Variants in EPHX3 observed in about 807,000 individuals in gnomAD.
The protein encoded by EPHX3 is epoxide hydrolase 3, also known as abhydrolase domain containing 9.
A neutral mutation model predicts 40.2 loss-of-function variants in EPHX3; 39 were observed. The ratio of observed to expected loss-of-function variants is 0.97; its 90% confidence interval spans 0.75 to 1.27. The LOEUF is 1.27. Ranked by LOEUF, EPHX3 falls within the 50% of genes most tolerant of loss-of-function variation. The pLI, the probability that EPHX3 is intolerant of heterozygous loss-of-function variation, is 0.00. For synonymous variants in EPHX3, 213 were observed against 209.7 expected, an observed-to-expected ratio of 1.02 and a Z score of -0.14; for missense variants, 442 against 474.0, an observed-to-expected ratio of 0.93 and a Z score of 0.63.
chr19:15,230,157 T>C (rs2047143722), intron 4 of EPHX3, among the ~76,000 whole-genome samples: 1 of 151,894 alleles, frequency 6.6e-6, no homozygotes, highest in African/African-American at 2.4e-5. Flanking sequence ...CCTAAGTGTA[T>C]TGTGATTTAT....
rs756599471 is a variant in EPHX3, at chr19:15,231,857, G to A, written c.248C>T (p.Ser83Leu). Residue 83 changes from serine to leucine, a missense_variant, in exon 2 of 7, where the codon TCG becomes TTG. Physicochemically the swap from Ser to Leu is moderately radical, Grantham distance 145. Coordinates refer to ENST00000221730, the MANE Select transcript of EPHX3 (RefSeq NM_024794.3). Reference protein sequence around the residue: ...GEHGFLNLKSSGLRLHYVSAG... With the variant: ...GEHGFLNLKSLGLRLHYVSAG... Reference sequence around the variant, plus strand: ...CGAGACATAGTGCAGACGCAGGCCCGAGCTCTAGGGGGAGGGCACAGCCTG... The same window carrying A: ...CGAGACATAGTGCAGACGCAGGCCCAAGCTCTAGGGGGAGGGCACAGCCTG... 3.7e-6 allele frequency: 6 copies of A among 1,613,792 alleles called. No homozygotes were observed. The highest frequency in any genetic ancestry group is 2.2e-5 in the East Asian group (1 of 44,888).
In EPHX3 at chr19:15,232,179, C is replaced by G; in HGVS notation, c.33G>C (p.Ala11=). The change falls in exon 1 of 7, where the codon GCG becomes GCC. Residue 11 remains alanine (A), a synonymous_variant. Coordinates refer to ENST00000221730, the MANE Select transcript of EPHX3 (RefSeq NM_024794.3). MPELVVTALL[A]PSRLSLKLLR... ...GCAGCTTCAGCGACAGGCGCGACGG[C>G]GCCAGCAGCGCGGTCACCACCAGCT... is the stretch of plus-strand genomic sequence containing the variant. 2 of 1,522,368 alleles carry G rather than the reference C, an allele frequency of 1.3e-6. No individual in the cohort carries two copies. The highest frequency in any genetic ancestry group is 1.8e-6 in the Non-Finnish European group (2 of 1,142,400). 94.3% of individuals were successfully genotyped at this position (1,522,368 alleles called of 1,614,324 possible).
At chr19:15,236,830 C>T (rs981910982), upstream of EPHX3, 30 of 181,976 alleles carry the variant, frequency 1.6e-4, no homozygotes, top group South Asian at 2.0e-4. Context: ...GTCAGGGAGA[C>T]GCCAGCATTA....
chr19:15,236,726 G>C (rs542454438), upstream of EPHX3: 10 of 172,886 alleles, frequency 5.8e-5, no homozygotes, highest in Admixed American at 1.9e-4. Context: ...AGAGGGGCTA[G>C]GTAATCCCTG....
At chr19:15,234,655 A>T (rs1485187912), upstream of EPHX3, among the ~76,000 whole-genome samples, 1 of 152,116 alleles carries the variant, frequency 6.6e-6, no homozygotes, top group Non-Finnish European at 1.5e-5. Context: ...TGCTCACATC[A>T]CTACCCCGGA....
Position 15,227,036 on chromosome 19 carries a change from G to T in EPHX3, c.*401C>A. ...GAGTAGCACTGAGCTGAAGACCCAG[G>T]CAGGAGGTCGAAGGCAGGGACAGGA... On this transcript the variant is annotated 3_prime_UTR_variant, in exon 7 of 7. Coordinates refer to ENST00000221730, the MANE Select transcript of EPHX3 (RefSeq NM_024794.3). The T allele has an allele frequency of 4.1e-6, 1 of 245,134 alleles. No individual in the cohort carries two copies. Among genetic ancestry groups the T allele is most frequent in the Non-Finnish European group, 8.0e-6 (1 of 125,678 alleles). 15.2% of individuals were successfully genotyped at this position (245,134 alleles called of 1,614,324 possible). A position where few individuals can be genotyped will look rare whatever the true frequency, so the allele number is the denominator to read the frequency against.
chr19:15,227,678 A>T lies in EPHX3; in HGVS notation c.858-16T>A, dbSNP rs1400992976. 6.2e-7 allele frequency: 1 copy of T among 1,612,858 alleles called. No individual in the cohort carries two copies. Among genetic ancestry groups the T allele is most frequent in the Admixed American group, 1.7e-5 (1 of 59,990 alleles). ...GGGGAAGTTCCTGTGGCCAGGACAG[A>T]CAGACAGGCAGACAGACAGGCAGAA... On this transcript the variant is annotated splice_polypyrimidine_tract_variant and intron_variant, in intron 6 of 6. Transcript: ENST00000221730.
Position 15,227,480 on chromosome 19 carries a change from A to C in EPHX3, c.1040T>G (p.Met347Arg), listed in dbSNP as rs2047120151. ...HWIPQSNPQE[M>R]HQYMWAFLQD... ...CAAGAAGGCCCACATGTACTGGTGC[A>C]TCTCCTGGGGGTTGCTCTGTGGGAT... Residue 347 changes from methionine to arginine, a missense_variant, in exon 7 of 7, where the codon ATG (methionine) becomes AGG (arginine). By Grantham distance (91) the Met-to-Arg change is moderately conservative. Transcript: ENST00000221730. 1.2e-6 allele frequency: 2 copies of C among 1,614,054 alleles called. No homozygotes were observed. Among genetic ancestry groups the C allele is most frequent in the Admixed American group, 1.7e-5 (1 of 60,006 alleles).
chr19:15,232,931 G>A (rs1001268775), upstream of EPHX3: 1 of 151,994 alleles, frequency 6.6e-6, no homozygotes, highest in African/African-American at 2.4e-5. Context: ...TTAAGGAGGG[G>A]ATCCTGGATC....
intron 5 of EPHX3, 41 bp downstream of exon 5, chr19:15,227,956 C>T (rs756576829): frequency 1.1e-5 from 17 of 1,613,940 alleles, no homozygotes; most frequent in Admixed American, 5.0e-5. Flanking sequence ...TGCCCAGCCC[C>T]GACCTGCTTC....
chr19:15,231,093 G>T lies in EPHX3; in HGVS notation c.488-3C>A. 1 of 1,613,994 alleles carries T rather than the reference G, an allele frequency of 6.2e-7. No homozygotes were observed. Among genetic ancestry groups the T allele is most frequent in the South Asian group, 1.1e-5 (1 of 91,080 alleles). ...CACAAGGATGCACTTCGAGTAACCT[G>T]TGGGAATTCAAGGAGCTCGCATAAG... On this transcript the variant is annotated splice_polypyrimidine_tract_variant and splice_region_variant and intron_variant, in intron 3 of 6. Transcript: ENST00000221730.
rs144077872 is a variant in EPHX3 at position 15,231,008 on chromosome 19, G to A, written c.570C>T (p.Val190=). The A allele has an allele frequency of 1.1e-5, 18 of 1,613,902 alleles. No homozygotes were observed. In the Admixed American group the frequency reaches 1.2e-4, roughly 10 times the overall value. Residue 190 remains valine, a synonymous_variant, in exon 4 of 7, where the codon GTC becomes GTT. Transcript: ENST00000221730. ...CACCACTGACCACAACCATCCGCTC[G>A]ACCAGGGATGGGTAGTAGATGGAGA... is the stretch of plus-strand genomic sequence containing the variant. The part of the protein sequence containing the change: ...WHFSIYYPSL[V]ERMVVVSGAP...
chr19:15,232,067 A>T lies in EPHX3; in HGVS notation c.145T>A (p.Cys49Ser). 1 of 1,573,586 alleles carries T rather than the reference A, an allele frequency of 6.4e-7. No individual in the cohort carries two copies. Among genetic ancestry groups the T allele is most frequent in the Non-Finnish European group, 8.6e-7 (1 of 1,166,464 alleles). ...YGCIALTHVL[C>S]RPRRGCCGRR... ...CCGCAGCAGCCGCGCCGGGGCCGGC[A>T]CAGCACGTGCGTGAGCGCTATGCAG... Residue 49 changes from cysteine to serine, a missense_variant, in exon 1 of 7, where the codon TGC (cysteine) becomes AGC (serine). Physicochemically the swap from Cys to Ser is moderately radical, Grantham distance 112. Coordinates refer to ENST00000221730, the MANE Select transcript of EPHX3 (RefSeq NM_024794.3).
chr19:15,227,879 T>C lies in EPHX3; in HGVS notation c.749A>G (p.Lys250Arg). 1 of 1,614,068 alleles carries C rather than the reference T, an allele frequency of 6.2e-7. No homozygotes were observed. The highest frequency in any genetic ancestry group is 8.5e-7 in the Non-Finnish European group (1 of 1,180,014). The change falls in exon 6 of 7, where the codon AAG becomes AGG. Residue 250 changes from lysine (K) to arginine (R), a missense_variant. Lys to Arg is a conservative substitution (Grantham distance 26). Transcript: ENST00000221730. ...QILKTTLTHR[K>R]TGIPCLTPSE... Reference sequence around the variant, plus strand: ...GGGGGTCAAGCATGGGATGCCTGTCTTGCGGTGGGTGAGGGTGGTCTTCAG... The same window carrying C: ...GGGGGTCAAGCATGGGATGCCTGTCCTGCGGTGGGTGAGGGTGGTCTTCAG...
At position 15,232,114 on chromosome 19, in the gene EPHX3, A is replaced by G. The variant is rs1247025754; in HGVS notation, c.98T>C (p.Leu33Pro). The change falls in exon 1 of 7, where the codon CTG becomes CCG. Residue 33 changes from leucine (L) to proline (P), a missense_variant. Transcript: ENST00000221730. ...FMWSLVFSVA[L>P]VAAAVYGCIA... Reference sequence around the variant, plus strand: ...GCAGCCGTAGACCGCCGCGGCCACCAGCGCCACCGAGAACACCAGGCTCCA... The same window carrying G: ...GCAGCCGTAGACCGCCGCGGCCACCGGCGCCACCGAGAACACCAGGCTCCA... The G allele has an allele frequency of 2.2e-5, 32 of 1,487,854 alleles. No individual in the cohort carries two copies. In the Admixed American group the frequency reaches 5.6e-4, roughly 26 times the overall value. 92.2% of individuals were successfully genotyped at this position (1,487,854 alleles called of 1,614,324 possible). A position where few individuals can be genotyped will look rare whatever the true frequency, so the allele number is the denominator to read the frequency against.
chr19:15,236,472 G>A (rs1319478102), upstream of EPHX3: 2 of 151,544 alleles, frequency 1.3e-5, no homozygotes, highest in Non-Finnish European at 2.9e-5. Flanking sequence ...CAGGCAAGGT[G>A]GGAGAAGTGG....
chr19:15,228,028 G>A lies in EPHX3; in HGVS notation c.689C>T (p.Pro230Leu). The A allele has an allele frequency of 2.5e-6, 4 of 1,614,008 alleles. No individual in the cohort carries two copies. The highest frequency in any genetic ancestry group is 3.4e-6 in the Non-Finnish European group (4 of 1,180,014). Residue 230 changes from proline (P) to leucine (L), a missense_variant, in exon 5 of 7, where the codon CCC (proline) becomes CTC (leucine). Pro to Leu is a moderately conservative substitution (Grantham distance 98). Transcript: ENST00000221730. ...GTCAGACATAGACAGCAGCTTCTCG[G>A]GCAGCCAGGGCAGCTGGAACAGGAA... is the stretch of plus-strand genomic sequence containing the variant. The part of the protein sequence containing the change: ...YMFLFQLPWL[P>L]EKLLSMSDFQ...
At chr19:15,235,139 C>A (rs2047182337), upstream of EPHX3, among the ~76,000 whole-genome samples, 2 of 152,126 alleles carry the variant, frequency 1.3e-5, no homozygotes, top group Admixed American at 1.3e-4. Context: ...GTAGCCGGGA[C>A]TACAGGTGTG....
upstream of EPHX3, chr19:15,233,391 A>C (rs368637217): frequency 6.6e-6 from 1 of 152,100 alleles, no homozygotes; most frequent in Non-Finnish European, 1.5e-5. Context: ...GGCTCCAAAG[A>C]CCTAGCAGCA....
Sources: gnomAD v4.1 joint callset for allele counts (sites outside exome capture counted in the v4.1 genomes callset) on GRCh38, gnomAD v4.1.1 for gene constraint, MANE v1.5 for transcripts, NCBI Gene and HGNC (gene_info 2026-07-23, HGNC 2026-07-21) for gene names.